Variants in PCDHGA5 observed in about 807,000 individuals in gnomAD.
PCDHGA5 encodes protocadherin gamma-A5.
A neutral mutation model predicts 56.7 loss-of-function variants in PCDHGA5; 36 were observed. The ratio of observed to expected loss-of-function variants is 0.64; its 90% CI spans 0.49 to 0.84. The LOEUF (loss-of-function observed/expected upper bound fraction) is 0.84, where lower values mean the gene tolerates loss of function less well. PCDHGA5 is among the 40% of genes least tolerant of loss of function. The pLI, the probability that PCDHGA5 is intolerant of heterozygous loss-of-function variation, is 0.00. For synonymous variants in PCDHGA5, 563 were observed against 520.2 expected (o/e 1.08, Z -1.12); for missense variants, 1,305 against 1,201.5 (o/e 1.09, Z -1.27).
chr5:141,395,605 A>G (rs1344642467), intron 1 of PCDHGA5: 3 of 198,976 alleles, frequency 1.5e-5, no homozygotes, highest in Non-Finnish European at 3.0e-5. Context: ...CCAAACTAGA[A>G]CTTCAGAAAA....
At chr5:141,494,075 C>T (rs1482844644) in intron 1 of PCDHGA5, among the ~76,000 whole-genome samples, 7 of 152,322 alleles carry the variant, frequency 4.6e-5, no homozygotes, top group East Asian at 1.9e-4. Context: ...GATCCCTCCC[C>T]GCTGCATCCC....
At chr5:141,439,622 TCC>T (rs1374759651) in intron 1 of PCDHGA5, among the ~76,000 whole-genome samples, 1 of 152,134 alleles carries the variant, frequency 6.6e-6, no homozygotes, top group Non-Finnish European at 1.5e-5. Context: ...AATGAGCCAA[TCC>T]CCAGACATTC....
chr5:141,422,239 G>C (rs2096636040), intron 1 of PCDHGA5: 3 of 1,566,586 alleles, frequency 1.9e-6, no homozygotes, highest in East Asian at 4.5e-5. Context: ...GTTGATCACT[G>C]TTGTGGATGT....
intron 1 of PCDHGA5, among the ~76,000 whole-genome samples, chr5:141,382,245 A>C (rs1778064019): frequency 6.6e-6 from 1 of 152,172 alleles, no homozygotes; most frequent in South Asian, 2.1e-4. Flanking sequence ...GACTTTCTGA[A>C]TCTTGCATCA....
intron 1 of PCDHGA5, chr5:141,433,074 A>C: frequency 6.2e-7 from 1 of 1,614,218 alleles, no homozygotes; most frequent in East Asian, 2.2e-5. Flanking sequence ...ATCTTCCCCC[A>C]GCCCAACTAT....
At chr5:141,369,758 C>T (rs1027847213) in intron 1 of PCDHGA5, among the ~76,000 whole-genome samples, 1 of 152,184 alleles carries the variant, frequency 6.6e-6, no homozygotes, top group African/African-American at 2.4e-5. Context: ...TAAGAATACA[C>T]GTGAAGCTGA....
At chr5:141,405,442 C>A in intron 1 of PCDHGA5, 1 of 1,378,146 alleles carries the variant, frequency 7.3e-7, no homozygotes, top group Non-Finnish European at 1.0e-6. Context: ...GTTTTTGAGA[C>A]AGAGTCTTAC....
intron 1 of PCDHGA5, among the ~76,000 whole-genome samples, chr5:141,450,082 C>T (rs2098668421): frequency 6.8e-6 from 1 of 147,384 alleles, no homozygotes. Context: ...TCTTGGCTCA[C>T]TGCAACCTCC....
chr5:141,392,659 A>G, intron 1 of PCDHGA5: 1 of 788,300 alleles, frequency 1.3e-6, no homozygotes, highest in Non-Finnish European at 1.9e-6. Context: ...CGCAGATGCC[A>G]CAAACTAACT....
intron 1 of PCDHGA5, chr5:141,383,835 T>C (rs950729427): frequency 4.3e-6 from 7 of 1,613,802 alleles, no homozygotes; most frequent in Admixed American, 1.7e-5. Flanking sequence ...ATGAAGAAAC[T>C]GCCTTCTATG....
chr5:141,465,997 C>T (rs1344380021), intron 1 of PCDHGA5, among the ~76,000 whole-genome samples: 1 of 151,918 alleles, frequency 6.6e-6, no homozygotes, highest in Non-Finnish European at 1.5e-5. Context: ...TGGCAGGCAC[C>T]TGTAGTCCCA....
intron 3 of PCDHGA5, among the ~76,000 whole-genome samples, chr5:141,510,424 C>T (rs2154594619): frequency 6.6e-6 from 1 of 152,236 alleles, no homozygotes; most frequent in South Asian, 2.1e-4. Flanking sequence ...GCCATGGTTT[C>T]ATGGCTGCTG....
chr5:141,394,150 A>C (rs781168813), intron 1 of PCDHGA5: 2 of 1,613,798 alleles, frequency 1.2e-6, no homozygotes, highest in East Asian at 4.5e-5. Context: ...GCAGACATTA[A>C]CGACAACCCT....
At position 141,432,783 on chromosome 5, in the gene PCDHGA5, T is replaced by G; in HGVS notation, c.2422-62024T>G. The G allele has an allele frequency of 6.2e-7, 1 of 1,614,118 alleles. No individual in the cohort carries two copies. On this transcript the variant is annotated intron_variant, in intron 1 of 3. Transcript: ENST00000518069. The surrounding 1 kb of genome is among the most constrained non-coding windows in gnomAD (Gnocchi z 6.0). ...AGCATCCCCCAAGTCCTGGCGGACC[T>G]CGGCAGCCTCGAGTCTCCAGCTAAC...
chr5:141,417,902 C>G (rs2096184021), intron 1 of PCDHGA5: 1 of 1,588,280 alleles, frequency 6.3e-7, no homozygotes, highest in Non-Finnish European at 8.6e-7. Context: ...CGGCCCGCGG[C>G]AGGTACTATT....
intron 1 of PCDHGA5, among the ~76,000 whole-genome samples, chr5:141,406,361 T>C (rs2094800900): frequency 6.6e-6 from 1 of 152,194 alleles, no homozygotes; most frequent in African/African-American, 2.4e-5. Flanking sequence ...ACTATGTTTG[T>C]AAGGGTAAAC....
chr5:141,409,818 C>T (rs1027344375), intron 1 of PCDHGA5: 2 of 1,610,918 alleles, frequency 1.2e-6, no homozygotes, highest in Non-Finnish European at 1.7e-6. Context: ...GACCACGGCT[C>T]GCCCACGCTC....
chr5:141,399,893 C>G (rs2093913222), intron 1 of PCDHGA5: 2 of 1,612,566 alleles, frequency 1.2e-6, no homozygotes, highest in Non-Finnish European at 1.7e-6. Flanking sequence ...AAGGTAGTGG[C>G]CGTGGACGCA....
intron 1 of PCDHGA5, among the ~76,000 whole-genome samples, chr5:141,456,381 G>T (rs1296419395): frequency 6.6e-6 from 1 of 152,110 alleles, no homozygotes; most frequent in Admixed American, 6.6e-5. Context: ...TTACAGCACC[G>T]TTTGGAGTTT....
Sources: gnomAD v4.1 joint callset for allele counts (sites outside exome capture counted in the v4.1 genomes callset) on GRCh38, gnomAD v4.1.1 for gene constraint, Gnocchi (gnomAD v3.1) non-coding constraint, MANE v1.5 for transcripts, NCBI Gene and HGNC (gene_info 2026-07-23, HGNC 2026-07-21) for gene names.